ANO4: variants seen among roughly 807,000 people sequenced by gnomAD.
The protein encoded by ANO4 is anoctamin-4.
ANO4 carries 69 observed loss-of-function variants against 141.9 expected under a neutral mutation model. That is an observed-to-expected ratio of 0.49 (90% CI 0.40 to 0.59). The LOEUF (loss-of-function observed/expected upper bound fraction) is 0.59, where lower values mean the gene tolerates loss of function less well. Ranked by LOEUF, ANO4 falls within the 20% of genes least tolerant of loss-of-function variation. The pLI is 0.00. For missense variants in ANO4, 894 were observed against 1,162.2 expected (o/e 0.77, Z 3.36); for synonymous variants, 350 against 394.3 (o/e 0.89, Z 1.33).
At chr12:100,994,888 C>T (rs1432408461) in intron 8 of ANO4, among the ~76,000 whole-genome samples, 4 of 151,964 alleles carry the variant, frequency 2.6e-5, no homozygotes, top group African/African-American at 7.3e-5. Context: ...AATTTGACAA[C>T]GTCTAGAAAA....
chr12:101,089,365 A>T (rs1372143790), intron 17 of ANO4, among the ~76,000 whole-genome samples: 1 of 152,174 alleles, frequency 6.6e-6, no homozygotes, highest in East Asian at 1.9e-4. Flanking sequence ...GTAATAAAAA[A>T]AAAAGGGCAG....
At chr12:100,819,356 G>A (rs536322071) in intron 1 of ANO4, among the ~76,000 whole-genome samples, 57 of 151,980 alleles carry the variant, frequency 3.8e-4, no homozygotes, top group African/African-American at 1.3e-3. Flanking sequence ...CAGCAATATA[G>A]ATAGGAAAGG....
intron 1 of ANO4, among the ~76,000 whole-genome samples, chr12:100,843,970 T>C (rs758850369): frequency 6.6e-6 from 1 of 152,136 alleles, no homozygotes; most frequent in Non-Finnish European, 1.5e-5. Flanking sequence ...AGACGATGCA[T>C]GTCAAAGATG....
At chr12:100,778,389 A>G (rs2135573118) in intron 3 of ANO4, among the ~76,000 whole-genome samples, 1 of 152,300 alleles carries the variant, frequency 6.6e-6, no homozygotes, top group Non-Finnish European at 1.5e-5. Flanking sequence ...GACAAGTATA[A>G]TTTAATTAAC....
intron 3 of ANO4, among the ~76,000 whole-genome samples, chr12:100,757,713 T>C (rs2032674796): frequency 6.6e-6 from 1 of 152,234 alleles, no homozygotes; most frequent in Non-Finnish European, 1.5e-5. Flanking sequence ...ACCTGCCTAC[T>C]GTTCTTTGTT....
At chr12:100,997,706 G>C (rs951792699) in intron 8 of ANO4, among the ~76,000 whole-genome samples, 2 of 152,088 alleles carry the variant, frequency 1.3e-5, no homozygotes, top group African/African-American at 4.8e-5. Context: ...AGGGAGAAAC[G>C]TAGTAACTCA....
At chr12:100,912,864 G>A (rs2041175166) in intron 2 of ANO4, among the ~76,000 whole-genome samples, 1 of 152,214 alleles carries the variant, frequency 6.6e-6, no homozygotes, top group South Asian at 2.1e-4. Flanking sequence ...TGCATTGAAG[G>A]TGAATGTGGT....
chr12:100,894,593 G>A (rs747995155), intron 1 of ANO4, among the ~76,000 whole-genome samples: 2 of 152,072 alleles, frequency 1.3e-5, no homozygotes, highest in Admixed American at 6.5e-5. Context: ...TACCTCTTCC[G>A]CATGTATACC....
Position 101,097,674 on chromosome 12 carries a change from A to G in ANO4, c.1874A>G (p.Tyr625Cys), listed in dbSNP as rs748862613. 1.2e-6 allele frequency: 2 copies of G among 1,613,862 alleles called. No homozygotes were observed. Among genetic ancestry groups the G allele is most frequent in the Non-Finnish European group, 1.7e-6 (2 of 1,179,822 alleles). The part of the protein sequence containing the change: ...LGRFTGHPGA[Y>C]LRLINRWRLE... ...AGATTTACAGGACACCCAGGTGCCT[A>G]CTTGAGGCTGATAAACAGGTGGAGA... is the stretch of plus-strand genomic sequence containing the variant. The change falls in exon 20 of 28, where the codon TAC (tyrosine) becomes TGC (cysteine). Residue 625 changes from tyrosine (Y) to cysteine (C), a missense_variant. By Grantham distance (194) the Tyr-to-Cys change is radical. Transcript: ENST00000392977.
intron 7 of ANO4, among the ~76,000 whole-genome samples, chr12:100,979,448 A>G (rs545897969): frequency 6.6e-5 from 10 of 152,266 alleles, no homozygotes; most frequent in African/African-American, 2.4e-4. Context: ...CCTGGACCAC[A>G]TGTTGAGAAC....
At chr12:100,887,010 A>G (rs1367218323) in intron 1 of ANO4, among the ~76,000 whole-genome samples, 1 of 152,224 alleles carries the variant, frequency 6.6e-6, no homozygotes, top group African/African-American at 2.4e-5. Flanking sequence ...GGTAGGGCTC[A>G]GTAGTTGTTG....
At chr12:100,779,080 GA>G (rs1876870047) in intron 3 of ANO4, among the ~76,000 whole-genome samples, 1 of 151,748 alleles carries the variant, frequency 6.6e-6, no homozygotes, top group Non-Finnish European at 1.5e-5. Context: ...CAAAAAAACA[GA>G]AAAACCCATA....
intron 1 of ANO4, among the ~76,000 whole-genome samples, chr12:100,829,725 T>C (rs1033039129): frequency 1.3e-5 from 2 of 152,102 alleles, no homozygotes; most frequent in African/African-American, 4.8e-5. Context: ...CTGATTGTAA[T>C]AGCATGGGCA....
chr12:100,756,634 C>T (rs1004982429), intron 3 of ANO4, among the ~76,000 whole-genome samples: 3 of 152,164 alleles, frequency 2.0e-5, no homozygotes, highest in African/African-American at 7.2e-5. Flanking sequence ...AGGCATGAGC[C>T]ACTGCGCCCG....
chr12:101,018,989 A>G (rs1193240052), intron 8 of ANO4, among the ~76,000 whole-genome samples: 1 of 152,194 alleles, frequency 6.6e-6, no homozygotes, highest in Non-Finnish European at 1.5e-5. Context: ...TGATCAGTAA[A>G]TTGATGTGCT....
At chr12:100,737,155 T>C (rs2031651697) in intron 2 of ANO4, among the ~76,000 whole-genome samples, 1 of 152,136 alleles carries the variant, frequency 6.6e-6, no homozygotes, top group Admixed American at 6.5e-5. Flanking sequence ...ATTTATTATT[T>C]CACATAACAG....
At chr12:101,066,956 C>A in intron 14 of ANO4, 5 of 629,378 alleles carry the variant, frequency 7.9e-6, no homozygotes, top group Non-Finnish European at 9.1e-6. Flanking sequence ...CTTTGTGTGA[C>A]TACATGACAC....
chr12:101,004,053 T>G (rs575559279), intron 8 of ANO4, among the ~76,000 whole-genome samples: 1 of 152,126 alleles, frequency 6.6e-6, no homozygotes, highest in East Asian at 1.9e-4. Context: ...AGGTCTCCTC[T>G]CCAAAGAATG....
chr12:101,088,436 A>G (rs1593238124), intron 17 of ANO4, among the ~76,000 whole-genome samples: 4 of 151,904 alleles, frequency 2.6e-5, no homozygotes, highest in South Asian at 4.1e-4. Context: ...CTAATATGCT[A>G]TATATTTTAC....
Sources: allele counts gnomAD v4.1 joint callset (sites outside exome capture counted in the v4.1 genomes callset), GRCh38; gene constraint gnomAD v4.1.1; transcripts MANE v1.5; gene names NCBI Gene and HGNC (gene_info 2026-07-23, HGNC 2026-07-21).